NTRK2: variants seen among roughly 807,000 people sequenced by gnomAD.
NTRK2 encodes the protein neurotrophic receptor tyrosine kinase 2, also known as BDNF/NT-3 growth factors receptor.
NTRK2 carries 13 observed loss-of-function variants against 94.5 expected under a neutral mutation model. The observed-to-expected ratio is 0.14, with a 90% CI of 0.09 to 0.22. The LOEUF (loss-of-function observed/expected upper bound fraction) is 0.22, where lower values mean the gene tolerates loss of function less well. NTRK2 is among the 10% of genes least tolerant of loss of function. The pLI, the probability that NTRK2 is intolerant of heterozygous loss-of-function variation, is 1.00. For missense variants in NTRK2, 639 were observed against 1,071.2 expected, an observed-to-expected ratio of 0.60 and a Z score of 5.63; for synonymous variants, 372 against 407.4, an observed-to-expected ratio of 0.91 and a Z score of 1.05.
At chr9:84,749,832 C>G (rs906804146) in intron 11 of NTRK2, among the ~76,000 whole-genome samples, 1 of 152,204 alleles carries the variant, frequency 6.6e-6, no homozygotes, top group Admixed American at 6.5e-5. Context: ...GTCTTAATCT[C>G]TACCCTATAA....
chr9:84,773,035 G>A (rs76266405), intron 12 of NTRK2, among the ~76,000 whole-genome samples: 15 of 152,292 alleles, frequency 9.8e-5, no homozygotes, highest in African/African-American at 3.4e-4. Flanking sequence ...AATGTGAAGA[G>A]TGATCATGTT....
At chr9:84,836,101 T>C (rs1049236869) in intron 12 of NTRK2, among the ~76,000 whole-genome samples, 2 of 152,214 alleles carry the variant, frequency 1.3e-5, no homozygotes, top group East Asian at 3.9e-4. Flanking sequence ...TTCTGTTCTT[T>C]GCCAAAATGT....
rs75034249 is a variant in NTRK2 at position 84,824,971 on chromosome 9, T to C, written c.1397-36069T>C. On this transcript the variant is annotated intron_variant, in intron 12 of 18. Transcript: ENST00000277120. The stretch of plus-strand genomic sequence containing the variant: ...ACCAAACACCTCTGGATTTTGTGGG[T>C]TCCAGAGGCAAAAAGATCAGTTTTT... 8.5e-3 allele frequency among the ~76,000 whole-genome samples: 1,295 copies of C among 151,766 alleles called. 14 individuals are homozygous for C. Among genetic ancestry groups the C allele is most frequent in the African/African-American group, 0.03 (1,235 of 41,400 alleles).
rs574264419 is a variant in NTRK2 at position 84,760,170 on chromosome 9, G to A, written c.1396+8085G>A. ...CTTGAGTTTAAATCCCAGATCTCCCGCCTGCTGGTCATCATTTTGGGCAAA... is the reference window on the plus strand; with the variant it reads ...CTTGAGTTTAAATCCCAGATCTCCCACCTGCTGGTCATCATTTTGGGCAAA... On this transcript the variant is annotated intron_variant, in intron 12 of 18. Transcript: ENST00000277120. Among the ~76,000 whole-genome samples, 36 of 152,192 alleles carry A rather than the reference G, an allele frequency of 2.4e-4. No individual in the cohort carries two copies. In the Middle Eastern group the frequency reaches 0.01, roughly 43 times the overall value.
chr9:84,755,038 G>A (rs897798008), intron 12 of NTRK2, among the ~76,000 whole-genome samples: 1 of 152,194 alleles, frequency 6.6e-6, no homozygotes, highest in African/African-American at 2.4e-5. Flanking sequence ...AAGCTTTATG[G>A]ATTGGCCTGA....
chr9:84,758,657 T>A (rs1588413760), intron 12 of NTRK2, among the ~76,000 whole-genome samples: 1 of 152,160 alleles, frequency 6.6e-6, no homozygotes, highest in South Asian at 2.1e-4. Context: ...TCCCAAAGTG[T>A]TTGGATTATA....
At chr9:84,815,772 C>T (rs1031798524) in intron 12 of NTRK2, 1 of 999,462 alleles carries the variant, frequency 1.0e-6, no homozygotes, top group Non-Finnish European at 1.2e-6. Flanking sequence ...TGTGCTGTCA[C>T]CTGAGTGCCC....
At chr9:84,885,302 T>G (rs528750852) in intron 14 of NTRK2, among the ~76,000 whole-genome samples, 1 of 152,280 alleles carries the variant, frequency 6.6e-6, no homozygotes, top group East Asian at 1.9e-4. Context: ...GACCAACCAC[T>G]AAAAGAATCA....
intron 9 of NTRK2, among the ~76,000 whole-genome samples, chr9:84,740,669 C>T (rs1189887668): frequency 6.6e-6 from 1 of 152,230 alleles, no homozygotes; most frequent in Non-Finnish European, 1.5e-5. Flanking sequence ...TTGTGCGAAG[C>T]ATGCACTATA....
intron 12 of NTRK2, among the ~76,000 whole-genome samples, chr9:84,809,900 AAAG>A (rs1171783410): frequency 3.8e-5 from 5 of 132,652 alleles, no homozygotes; most frequent in Admixed American, 7.2e-5. Flanking sequence ...AAAAAAAAAA[AAAG>A]AAAGAAGAGA....
intron 2 of NTRK2, among the ~76,000 whole-genome samples, chr9:84,685,522 A>G (rs2059658091): frequency 6.6e-6 from 1 of 152,072 alleles, no homozygotes; most frequent in African/African-American, 2.4e-5. Context: ...CAAAGATGGC[A>G]TTACACTTAT....
chr9:84,749,183 G>C (rs1320353540), intron 11 of NTRK2, among the ~76,000 whole-genome samples: 8 of 151,814 alleles, frequency 5.3e-5, no homozygotes, highest in Admixed American at 4.6e-4. Context: ...AGCCAAGATC[G>C]CACCATTGCA....
chr9:84,918,463 C>A (rs897290992), intron 14 of NTRK2, among the ~76,000 whole-genome samples: 9 of 152,198 alleles, frequency 5.9e-5, no homozygotes, highest in Non-Finnish European at 1.3e-4. Flanking sequence ...ATTCACATAC[C>A]ATGACTCCAT....
intron 14 of NTRK2, among the ~76,000 whole-genome samples, chr9:84,898,627 AG>A (rs1191704790): frequency 6.6e-6 from 1 of 151,988 alleles, no homozygotes; most frequent in Non-Finnish European, 1.5e-5. Flanking sequence ...GTGGCTAGAC[AG>A]CTGGCAAATG....
At chr9:84,842,291 C>T (rs2074231452) in intron 12 of NTRK2, among the ~76,000 whole-genome samples, 1 of 152,158 alleles carries the variant, frequency 6.6e-6, no homozygotes, top group Non-Finnish European at 1.5e-5. Flanking sequence ...CTAAGTCTTG[C>T]CCTCCTGCAA....
chr9:84,703,000 C>A (rs2060826007), intron 4 of NTRK2, among the ~76,000 whole-genome samples: 2 of 152,216 alleles, frequency 1.3e-5, no homozygotes, highest in South Asian at 4.1e-4. Context: ...CCACTGAAGT[C>A]AAACGGAAAT....
chr9:84,776,476 C>A (rs1256958768), intron 12 of NTRK2, among the ~76,000 whole-genome samples: 1 of 152,232 alleles, frequency 6.6e-6, no homozygotes, highest in Non-Finnish European at 1.5e-5. Context: ...CCCACCTTGG[C>A]TTCCCAATGT....
intron 12 of NTRK2, among the ~76,000 whole-genome samples, chr9:84,801,631 A>G (rs2070465886): frequency 6.6e-6 from 1 of 152,200 alleles, no homozygotes; most frequent in African/African-American, 2.4e-5. Flanking sequence ...GGCAAATATA[A>G]GTGTCTGAGC....
chr9:84,940,425 C>T (rs968839349), intron 15 of NTRK2, among the ~76,000 whole-genome samples: 3 of 152,132 alleles, frequency 2.0e-5, no homozygotes, highest in African/African-American at 4.8e-5. Context: ...TGTCTCTTGC[C>T]TCTGCTACTC....
Sources: gnomAD v4.1 joint callset for allele counts (sites outside exome capture counted in the v4.1 genomes callset) on GRCh38, gnomAD v4.1.1 for gene constraint, MANE v1.5 for transcripts, NCBI Gene and HGNC (gene_info 2026-07-23, HGNC 2026-07-21) for gene names.